DHX38: variants seen among roughly 807,000 people sequenced by gnomAD.
DHX38 encodes pre-mRNA-splicing factor ATP-dependent RNA helicase PRP16.
In DHX38, 100 loss-of-function variants were observed where a neutral mutation model predicts 153.1. The observed-to-expected ratio is 0.65, with a 90% confidence interval of 0.56 to 0.77. DHX38 has a LOEUF of 0.77. DHX38 is among the 30% of genes least tolerant of loss of function. The pLI, the probability that DHX38 is intolerant of heterozygous loss-of-function variation, is 0.00. For synonymous variants in DHX38, 650 were observed against 631.7 expected (o/e 1.03, Z -0.43); for missense variants, 1,440 against 1,654.0 (o/e 0.87, Z 2.24).
intron 26 of DHX38, among the ~76,000 whole-genome samples, chr16:72,111,980 A>C (rs1301232237): frequency 6.6e-6 from 1 of 152,164 alleles, no homozygotes; most frequent in Non-Finnish European, 1.5e-5. Context: ...GTTCACCAAG[A>C]GTCACCTCAT....
rs764053841 is a variant in DHX38 at position 72,103,788 on chromosome 16, G to C, written c.1824G>C (p.Glu608Asp). The change falls in exon 13 of 27, where the codon GAG becomes GAC. Residue 608 changes from glutamate (E) to aspartate (D), a missense_variant and splice_region_variant. Glu to Asp is a conservative substitution (Grantham distance 45). Coordinates refer to ENST00000268482, the MANE Select transcript of DHX38 (RefSeq NM_014003.4). ...SEEMGGNLGE[E>D]VGYAIRFEDC... ...AGATGGGGGGAAACCTTGGCGAGGA[G>C]GTGAGTGGGCGTGGGGGCTGAGCCA... 1.2e-5 allele frequency: 20 copies of C among 1,609,034 alleles called. No individual in the cohort carries two copies. Among genetic ancestry groups the C allele is most frequent in the Non-Finnish European group, 1.6e-5 (19 of 1,175,756 alleles).
At position 72,107,725 on chromosome 16, in the gene DHX38, G is replaced by C; in HGVS notation, c.2890G>C (p.Asp964His). 1 of 1,614,124 alleles carries C rather than the reference G, an allele frequency of 6.2e-7. No individual in the cohort carries two copies. The highest frequency in any genetic ancestry group is 8.5e-7 in the Non-Finnish European group (1 of 1,180,010). The change falls in exon 21 of 27, where the codon GAC becomes CAC. Residue 964 changes from aspartate to histidine, a missense_variant. Transcript: ENST00000268482. This position sits in a 1 kb window ranked among gnomAD's most constrained non-coding sequence, Gnocchi z 5.3. ...GTCCAAGATGCTCATCGTGTCCTGT[G>C]ACATGGGCTGCAGCTCCGAGATCCT... ...ALSKMLIVSC[D>H]MGCSSEILLI...
rs1438762526 is a variant in DHX38, at chr16:72,105,548, C to T, written c.2411C>T (p.Ala804Val). 1 of 1,614,176 alleles carries T rather than the reference C, an allele frequency of 6.2e-7. No individual in the cohort carries two copies. The change falls in exon 18 of 27, where the codon GCC becomes GTC. Residue 804 changes from alanine (A) to valine (V), a missense_variant. Around this residue, in one of 6 missense-constraint regions of DHX38, gnomAD observed 543 missense variants for 717.9 expected, o/e 0.76. Coordinates refer to ENST00000268482, the MANE Select transcript of DHX38 (RefSeq NM_014003.4). Reference sequence around the variant, plus strand: ...GATGGCGTTCGGAAGTGCATCGTTGCCACCAATATTGCCGAGACGTCTCTC... The same window carrying T: ...GATGGCGTTCGGAAGTGCATCGTTGTCACCAATATTGCCGAGACGTCTCTC... ...APDGVRKCIV[A>V]TNIAETSLTV... is the part of the protein sequence containing the mutation.
In DHX38 at chr16:72,096,445, C is replaced by T. The variant is rs370725231; in HGVS notation, c.288C>T (p.Gly96=). The change falls in exon 2 of 27, where the codon GGC becomes GGT. Residue 96 remains glycine (G), a synonymous_variant. Coordinates refer to ENST00000268482, the MANE Select transcript of DHX38 (RefSeq NM_014003.4). ...ACCAGAAGGATGCTGAGGAAGAGGG[C>T]GGTGACCAGGCTGGCCAAAATATCC... ...KDDQKDAEEE[G]GDQAGQNIRK... The T allele has an allele frequency of 1.1e-5, 17 of 1,613,314 alleles. No homozygotes were observed. The highest frequency in any genetic ancestry group is 2.2e-5 in the East Asian group (1 of 44,888).
intron 26 of DHX38, 115 bp from the exon 27 acceptor site, chr16:72,112,298 C>G: frequency 9.9e-7 from 1 of 1,014,572 alleles, no homozygotes; most frequent in Non-Finnish European, 1.5e-6. Context: ...ATCCCTCGGC[C>G]CAGAGCTCCC....
chr16:72,104,630 T>C lies in DHX38; in HGVS notation c.2151+4T>C, dbSNP rs1264886822. On this transcript the variant is annotated splice_donor_region_variant and intron_variant, in intron 15 of 26. Transcript: ENST00000268482. The surrounding 1 kb of genome is among the most constrained non-coding windows in gnomAD (Gnocchi z 4.5). ...TGTTGACATCCTCTTCAGCAAGGTA[T>C]TGAGGCCACCATGTTACGAACTGAC... 2.5e-6 allele frequency: 4 copies of C among 1,614,028 alleles called. No individual in the cohort carries two copies. In the East Asian group the frequency reaches 6.7e-5, roughly 27 times the overall value.
chr16:72,103,297 T>A, intron 12 of DHX38, 86 bp downstream of exon 12: 1 of 1,523,124 alleles, frequency 6.6e-7, no homozygotes, highest in Non-Finnish European at 8.8e-7. Flanking sequence ...CTTTTTCTTT[T>A]GTGCATTGCA....
chr16:72,099,634 T>C (rs1020684055), intron 7 of DHX38, 98 bp from the exon 8 acceptor site: 28 of 1,500,458 alleles, frequency 1.9e-5, no homozygotes, highest in Middle Eastern at 4.5e-4. Context: ...TCCACTGCAG[T>C]AGTGACTTCC....
intron 3 of DHX38, 161 bp downstream of exon 3, chr16:72,097,170 G>A (rs1227592627): frequency 1.4e-6 from 1 of 711,012 alleles, no homozygotes; most frequent in East Asian, 2.9e-5. Context: ...GGGAATACTA[G>A]TTTAAGAAAA....
Position 72,107,626 on chromosome 16 carries a change from G to T in DHX38, c.2810-19G>T, listed in dbSNP as rs1219264184. ...CTCTACTGTCCCGTCAAATATCCGG[G>T]TTTGCTCATCTCTCCTAGGTGGTCT... On this transcript the variant is annotated intron_variant, in intron 20 of 26. Transcript: ENST00000268482. This position sits in a 1 kb window ranked among gnomAD's most constrained non-coding sequence, Gnocchi z 5.3. The T allele has an allele frequency of 6.2e-7, 1 of 1,612,032 alleles. No homozygotes were observed. Among genetic ancestry groups the T allele is most frequent in the South Asian group, 1.1e-5 (1 of 91,064 alleles).
chr16:72,102,832 G>A (rs549605746), intron 11 of DHX38, among the ~76,000 whole-genome samples: 3 of 152,206 alleles, frequency 2.0e-5, no homozygotes, highest in African/African-American at 4.8e-5. Context: ...TAAATCCTCC[G>A]ATCCATGTTC....
In DHX38 at chr16:72,108,390, G is replaced by C. The variant is rs201861298; in HGVS notation, c.3120+8G>C. On this transcript the variant is annotated splice_region_variant and intron_variant, in intron 22 of 26. Coordinates refer to ENST00000268482, the MANE Select transcript of DHX38 (RefSeq NM_014003.4). ...GCTAAGGCCATGCGGAAGGTAGAGT[G>C]GTGGATGAGCAGGATGTTGGGATGA... 9.6e-5 allele frequency: 155 copies of C among 1,614,096 alleles called. No homozygotes were observed. The highest frequency in any genetic ancestry group is 4.7e-4 in the Admixed American group (28 of 60,028).
chr16:72,103,383 C>T (rs946279499), intron 12 of DHX38, among the ~76,000 whole-genome samples, 172 bp downstream of exon 12: 4 of 152,206 alleles, frequency 2.6e-5, no homozygotes, highest in African/African-American at 9.6e-5. Flanking sequence ...CGGGATGGCA[C>T]CATTTTGTTT....
rs200102565 is a variant in DHX38 at position 72,110,950 on chromosome 16, C to T, written c.3478-6C>T. On this transcript the variant is annotated splice_polypyrimidine_tract_variant and splice_region_variant and intron_variant, in intron 25 of 26. Transcript: ENST00000268482. ...AGGCTCAGCCAGGTCTGTCCCTCTT[C>T]AATAGGAGAACCGTCGTCGGGCCAA... is the stretch of plus-strand genomic sequence containing the variant. 5.7e-6 allele frequency: 9 copies of T among 1,584,012 alleles called. No homozygotes were observed. The Middle Eastern group carries it at 6.6e-4, about 117-fold the overall frequency.
Position 72,107,515 on chromosome 16 carries a change from C to A in DHX38, c.2776C>A (p.Gln926Lys). 1 of 1,614,194 alleles carries A rather than the reference C, an allele frequency of 6.2e-7. No individual in the cohort carries two copies. Among genetic ancestry groups the A allele is most frequent in the Non-Finnish European group, 8.5e-7 (1 of 1,180,020 alleles). Residue 926 changes from glutamine (Q) to lysine (K), a missense_variant, in exon 20 of 27, where the codon CAG (glutamine) becomes AAG (lysine). By Grantham distance (53) the Gln-to-Lys change is moderately conservative (BLOSUM62 1). This residue lies in a region of DHX38 where 543 missense variants were observed against 717.9 expected (regional missense o/e 0.76). Transcript: ENST00000268482. The surrounding 1 kb of genome is among the most constrained non-coding windows in gnomAD (Gnocchi z 5.3). ...PEDNMLNSMYQLWILGALDNT... is the reference protein window; with the variant it reads ...PEDNMLNSMYKLWILGALDNT... The stretch of plus-strand genomic sequence containing the variant: ...GGACAACATGCTCAACTCTATGTAT[C>A]AGCTCTGGATCCTCGGGGCCCTGGA...
chr16:72,103,851 A>G (rs2042134562), intron 13 of DHX38, 63 bp downstream of exon 13: 1 of 1,595,706 alleles, frequency 6.3e-7, no homozygotes, highest in African/African-American at 1.3e-5. Context: ...CATTTTTGCT[A>G]AAGGGTGTGA....
chr16:72,108,883 C>G lies in DHX38; in HGVS notation c.3339C>G (p.Thr1113=). ...GCTCCCTTTTTGGAATGGGCTACAC[C>G]CCAGATTACATAGTGTATCACGAGT... is the stretch of plus-strand genomic sequence containing the variant. ...PTSSLFGMGY[T]PDYIVYHELV... is the part of the protein sequence containing the mutation. The change falls in exon 24 of 27, where the codon ACC becomes ACG. Residue 1113 remains threonine, a synonymous_variant. Coordinates refer to ENST00000268482, the MANE Select transcript of DHX38 (RefSeq NM_014003.4). 6.2e-7 allele frequency: 1 copy of G among 1,613,504 alleles called. No individual in the cohort carries two copies. The highest frequency in any genetic ancestry group is 8.5e-7 in the Non-Finnish European group (1 of 1,179,764).
intron 24 of DHX38, 124 bp downstream of exon 24, chr16:72,109,049 C>A: frequency 1.4e-6 from 2 of 1,398,392 alleles, no homozygotes; most frequent in Non-Finnish European, 1.9e-6. Context: ...CATTGTTTTG[C>A]GGGGCATGTG....
chr16:72,104,408 G>T lies in DHX38; in HGVS notation c.2011-78G>T. 6.3e-7 allele frequency: 1 copy of T among 1,578,284 alleles called. No homozygotes were observed. The highest frequency in any genetic ancestry group is 1.7e-5 in the Admixed American group (1 of 57,326). ...GTCAGCTTTGGCTTGTGTTTCCTCGGGGGTGGTGCTGATGGGACTGGGGGA... is the reference window on the plus strand; with the variant it reads ...GTCAGCTTTGGCTTGTGTTTCCTCGTGGGTGGTGCTGATGGGACTGGGGGA... On this transcript the variant is annotated intron_variant, in intron 14 of 26. Coordinates refer to ENST00000268482, the MANE Select transcript of DHX38 (RefSeq NM_014003.4). The surrounding 1 kb of genome is among the most constrained non-coding windows in gnomAD (Gnocchi z 4.5).
Sources: allele counts gnomAD v4.1 joint callset (sites outside exome capture counted in the v4.1 genomes callset), GRCh38; gene constraint gnomAD v4.1.1; regional missense constraint gnomAD v4.1.1; non-coding constraint Gnocchi (gnomAD v3.1); transcripts MANE v1.5; gene names NCBI Gene and HGNC (gene_info 2026-07-23, HGNC 2026-07-21).